XRCC6: variants seen among roughly 807,000 people sequenced by gnomAD.
The protein encoded by XRCC6 is X-ray repair cross complementing 6, also known as DNA repair protein Ku70.
A neutral mutation model predicts 65.7 loss-of-function variants in XRCC6; 5 were observed. The observed-to-expected ratio is 0.08, with a 90% CI of 0.04 to 0.16. The LOEUF is 0.16. Ranked by LOEUF, XRCC6 falls within the 10% of genes least tolerant of loss-of-function variation. The pLI is 1.00. For synonymous variants in XRCC6, 270 were observed against 270.6 expected, an observed-to-expected ratio of 1.00 and a Z score of 0.02; for missense variants, 447 against 738.1, an observed-to-expected ratio of 0.61 and a Z score of 4.57.
intron 6 of XRCC6, among the ~76,000 whole-genome samples, chr22:41,646,607 AAAAATCT>A (rs2147099176): frequency 1.3e-5 from 2 of 152,312 alleles, no homozygotes; most frequent in East Asian, 3.9e-4. Context: ...ATATTCCAAA[AAAAATCT>A]GAAATCTGAA....
intron 6 of XRCC6, among the ~76,000 whole-genome samples, chr22:41,638,848 G>A (rs28741124): frequency 1.3e-5 from 2 of 150,992 alleles, no homozygotes; most frequent in Non-Finnish European, 2.9e-5. Context: ...CACTTACCAC[G>A]AATGGAACTT....
chr22:41,657,078 T>C lies in XRCC6; in HGVS notation c.1421+46T>C, dbSNP rs773346957. 35 of 1,526,162 alleles carry C rather than the reference T, an allele frequency of 2.3e-5. 1 individual carries two copies. In the East Asian group the frequency reaches 7.9e-4, roughly 34 times the overall value. 94.5% of individuals were successfully genotyped at this position (1,526,162 alleles called of 1,614,324 possible). A position where few individuals can be genotyped will look rare whatever the true frequency, so the allele number is the denominator to read the frequency against. ...CTGGAACTGCCTCCTGAGTTGAAAA[T>C]CTTATTAGAAACAGCTTGGGCATAG... is the stretch of plus-strand genomic sequence containing the variant. On this transcript the variant is annotated intron_variant, in intron 10 of 12. Coordinates refer to ENST00000360079, the MANE Select transcript of XRCC6 (RefSeq NM_001469.5).
intron 6 of XRCC6, among the ~76,000 whole-genome samples, chr22:41,643,042 T>C (rs931807066): frequency 1.1e-4 from 16 of 152,376 alleles, no homozygotes; most frequent in African/African-American, 3.8e-4. Flanking sequence ...TCTAAACATG[T>C]TCTTTTCTTT....
intron 3 of XRCC6, among the ~76,000 whole-genome samples, chr22:41,628,965 C>CAAAAAA (rs11413169): frequency 3.3e-4 from 21 of 62,688 alleles, no homozygotes; most frequent in East Asian, 1.7e-3. Context: ...GACTCTGTCT[C>CAAAAAA]AAAAAAAAAA....
chr22:41,636,846 G>A (rs111512580), intron 5 of XRCC6, 76 bp downstream of exon 5: 1 of 1,514,534 alleles, frequency 6.6e-7, no homozygotes, highest in East Asian at 2.4e-5. Context: ...TAGGAGTTCA[G>A]GAGTCTTGGC....
intron 6 of XRCC6, among the ~76,000 whole-genome samples, chr22:41,646,536 A>G (rs551325828): frequency 6.6e-6 from 1 of 152,202 alleles, no homozygotes; most frequent in Non-Finnish European, 1.5e-5. Flanking sequence ...TTATTGGAGC[A>G]TTATGGGTTG....
rs1446715145 is a variant in XRCC6, at chr22:41,621,984, G to T, written c.-15-6G>T. Reference sequence around the variant, plus strand: ...CCTGTTACTGACGTTAACGTCTTTCGCCTAGTGAGCAGTAGCCAACATGTC... The same window carrying T: ...CCTGTTACTGACGTTAACGTCTTTCTCCTAGTGAGCAGTAGCCAACATGTC... On this transcript the variant is annotated splice_region_variant and splice_polypyrimidine_tract_variant and intron_variant, in intron 1 of 12. Coordinates refer to ENST00000360079, the MANE Select transcript of XRCC6 (RefSeq NM_001469.5). The T allele has an allele frequency of 2.0e-5, 32 of 1,613,902 alleles. No individual in the cohort carries two copies. Among genetic ancestry groups the T allele is most frequent in the Non-Finnish European group, 2.7e-5 (32 of 1,179,826 alleles).
chr22:41,655,291 G>A (rs1445922418), intron 9 of XRCC6, among the ~76,000 whole-genome samples: 1 of 150,124 alleles, frequency 6.7e-6, no homozygotes, highest in Non-Finnish European at 1.5e-5. Flanking sequence ...AGGAATCTTC[G>A]AACCACAAAA....
Position 41,656,215 on chromosome 22 carries a change from C to CA in XRCC6, c.1292-671dup, listed in dbSNP as rs132783. On this transcript the variant is annotated intron_variant, in intron 9 of 12. Transcript: ENST00000360079. ...CCTGGGTGATAGCAAGATCCTGTCT[C>CA]AAAAAAAAAAAAAAAAAGATGAAGG... 7.8e-3 allele frequency among the ~76,000 whole-genome samples: 995 copies of CA among 127,182 alleles called. 17 individuals are homozygous for CA. Among genetic ancestry groups the CA allele is most frequent in the South Asian group, 0.013 (49 of 3,760 alleles). 83.4% of individuals were successfully genotyped at this position (127,182 alleles called of 152,430 possible).
At chr22:41,637,580 C>T in intron 5 of XRCC6, 28 bp from the exon 6 acceptor site, 2 of 1,513,220 alleles carry the variant, frequency 1.3e-6, no homozygotes, top group South Asian at 1.3e-5. Context: ...GTTTTTTCCT[C>T]CCTCACTTTT....
intron 8 of XRCC6, 53 bp downstream of exon 8, chr22:41,650,944 G>GA: frequency 6.3e-7 from 1 of 1,599,540 alleles, no homozygotes; most frequent in Admixed American, 1.7e-5. Context: ...GCAGTTTACG[G>GA]AGCAGCGCTT....
At chr22:41,655,219 A>G (rs190578448) in intron 9 of XRCC6, among the ~76,000 whole-genome samples, 97 of 152,312 alleles carry the variant, frequency 6.4e-4, no homozygotes, top group Non-Finnish European at 7.4e-5. Flanking sequence ...TGAAAAGGTG[A>G]GAGTTCTTGA....
chr22:41,657,081 T>TA (rs1157036538), intron 10 of XRCC6, 49 bp downstream of exon 10: 1 of 1,524,026 alleles, frequency 6.6e-7, no homozygotes, highest in Non-Finnish European at 8.8e-7. Context: ...TTGAAAATCT[T>TA]ATTAGAAACA....
chr22:41,651,073 A>C (rs2067989882), intron 8 of XRCC6, among the ~76,000 whole-genome samples, 182 bp downstream of exon 8: 1 of 152,176 alleles, frequency 6.6e-6, no homozygotes, highest in Non-Finnish European at 1.5e-5. Context: ...TGGGAGGCTG[A>C]GGCGGATGGG....
In XRCC6 at chr22:41,640,738, G is replaced by A. The variant is rs1330040696; in HGVS notation, c.773+2947G>A. Among the ~76,000 whole-genome samples the A allele has an allele frequency of 1.3e-5, 2 of 152,154 alleles. 1 individual carries two copies. The highest frequency in any genetic ancestry group is 6.3e-3 in the Middle Eastern group (2 of 316). On this transcript the variant is annotated intron_variant, in intron 6 of 12. Transcript: ENST00000360079. The stretch of plus-strand genomic sequence containing the variant: ...AAACTATTTTTCTTTCCTCAGACAA[G>A]TATCTTGTCACCTCTTCACCTGTCT...
At chr22:41,639,054 T>C (rs1324534586) in intron 6 of XRCC6, among the ~76,000 whole-genome samples, 2 of 152,178 alleles carry the variant, frequency 1.3e-5, no homozygotes, top group Non-Finnish European at 2.9e-5. Context: ...AGCTTCATTA[T>C]CATCTTAACA....
At position 41,636,214 on chromosome 22, in the gene XRCC6, T is replaced by A. The variant is rs1406490157; in HGVS notation, c.297T>A (p.Phe99Leu). The A allele has an allele frequency of 1.2e-6, 2 of 1,604,624 alleles. No homozygotes were observed. The highest frequency in any genetic ancestry group is 1.7e-6 in the Non-Finnish European group (2 of 1,177,766). ...AGAAAGACAAAAATTCAGTGAATTTTAAAAATATTTACGTCTTACAGGAGC... is the reference window on the plus strand; with the variant it reads ...AGAAAGACAAAAATTCAGTGAATTTAAAAAATATTTACGTCTTACAGGAGC... ...GTEKDKNSVN[F>L]KNIYVLQELD... is the part of the protein sequence containing the mutation. The change falls in exon 4 of 13, where the codon TTT becomes TTA. Residue 99 changes from phenylalanine to leucine, a missense_variant. Phe to Leu is a conservative substitution (Grantham distance 22). Transcript: ENST00000360079.
At chr22:41,646,320 G>A (rs2067931941) in intron 6 of XRCC6, among the ~76,000 whole-genome samples, 1 of 151,656 alleles carries the variant, frequency 6.6e-6, no homozygotes, top group South Asian at 2.1e-4. Context: ...AAAAAGCAGA[G>A]ACAAGACAAC....
intron 6 of XRCC6, 128 bp from the exon 7 acceptor site, chr22:41,646,760 AAGCATATT>A: frequency 4.1e-6 from 3 of 728,014 alleles, no homozygotes; most frequent in Non-Finnish European, 6.7e-6. Context: ...TATTATTAAA[AAGCATATT>A]TATATTTTGA....
Sources: gnomAD v4.1 joint callset for allele counts (sites outside exome capture counted in the v4.1 genomes callset) on GRCh38, gnomAD v4.1.1 for gene constraint, MANE v1.5 for transcripts, NCBI Gene and HGNC (gene_info 2026-07-23, HGNC 2026-07-21) for gene names.